Variants in PPP2R2B observed in about 807,000 individuals in gnomAD.
PPP2R2B encodes the protein protein phosphatase 2 regulatory subunit Bbeta, also known as serine/threonine-protein phosphatase 2A 55 kDa regulatory subunit B beta isoform.
In PPP2R2B, 5 loss-of-function variants were observed where a neutral mutation model predicts 46.0. That is an observed-to-expected ratio of 0.11 (90% CI 0.06 to 0.23). The LOEUF (loss-of-function observed/expected upper bound fraction) is 0.23, where lower values mean the gene tolerates loss of function less well. PPP2R2B is among the 10% of genes least tolerant of loss of function. PPP2R2B has a pLI of 1.00. For synonymous variants in PPP2R2B, 215 were observed against 206.7 expected, an observed-to-expected ratio of 1.04 and a Z score of -0.34; for missense variants, 367 against 575.0, an observed-to-expected ratio of 0.64 and a Z score of 3.70.
intron 2 of PPP2R2B, among the ~76,000 whole-genome samples, chr5:146,763,113 T>G (rs564514253): frequency 6.6e-6 from 1 of 152,190 alleles, no homozygotes; most frequent in Admixed American, 6.5e-5. Flanking sequence ...AATAACAACC[T>G]GAACTGAACG....
At chr5:146,953,273 A>C (rs1419198759) in intron 1 of PPP2R2B, among the ~76,000 whole-genome samples, 1 of 152,182 alleles carries the variant, frequency 6.6e-6, no homozygotes, top group Non-Finnish European at 1.5e-5. Context: ...AAATACATAC[A>C]CATATACTTA....
intron 9 of PPP2R2B, among the ~76,000 whole-genome samples, chr5:146,591,519 T>C (rs1770653092): frequency 6.6e-6 from 1 of 152,136 alleles, no homozygotes; most frequent in South Asian, 2.1e-4. Context: ...CAGTGTCACA[T>C]TGCTAATTGG....
chr5:146,649,497 T>G lies in PPP2R2B; in HGVS notation c.625+1050A>C, dbSNP rs190575245. On this transcript the variant is annotated intron_variant, in intron 6 of 9. Coordinates refer to ENST00000394411, the MANE Select transcript of PPP2R2B (RefSeq NM_181675.4). ...TCTGGCTCTGTCACCCAGACTGGAG[T>G]GCAGTGGTACGATCTCGGCTTACTG... Among the ~76,000 whole-genome samples, 51 of 152,008 alleles carry G rather than the reference T, an allele frequency of 3.4e-4. No individual in the cohort carries two copies. In the East Asian group the frequency reaches 5.2e-3, roughly 16 times the overall value.
chr5:146,595,082 C>G (rs2151006631), intron 8 of PPP2R2B, among the ~76,000 whole-genome samples: 1 of 152,304 alleles, frequency 6.6e-6, no homozygotes, highest in East Asian at 1.9e-4. Flanking sequence ...TCTAACTCTG[C>G]AAATTAATTT....
At chr5:146,905,482 G>A (rs1163704782) in intron 1 of PPP2R2B, among the ~76,000 whole-genome samples, 4 of 152,084 alleles carry the variant, frequency 2.6e-5, no homozygotes, top group Non-Finnish European at 5.9e-5. Flanking sequence ...GGCCTCCAGT[G>A]ATCCTCCAGC....
In PPP2R2B at chr5:146,849,361, T is replaced by C. The variant is rs991154214; in HGVS notation, c.70+28641A>G. ...TCTCTAACTTTAATTCATTACCACA[T>C]GTAGCATTCTAACATCCTCCTCTTG... On this transcript the variant is annotated intron_variant, in intron 2 of 9. Coordinates refer to ENST00000394411, the MANE Select transcript of PPP2R2B (RefSeq NM_181675.4). 4.6e-5 allele frequency among the ~76,000 whole-genome samples: 7 copies of C among 152,212 alleles called. No homozygotes were observed. The East Asian group carries it at 5.8e-4, about 13-fold the overall frequency.
intron 2 of PPP2R2B, among the ~76,000 whole-genome samples, chr5:146,710,463 A>G (rs1240264324): frequency 6.6e-6 from 1 of 152,234 alleles, no homozygotes; most frequent in Non-Finnish European, 1.5e-5. Flanking sequence ...TGCAACATAG[A>G]AGCCTAGAAG....
chr5:146,990,906 A>T (rs560707621), intron 1 of PPP2R2B, among the ~76,000 whole-genome samples: 2 of 152,238 alleles, frequency 1.3e-5, no homozygotes, highest in East Asian at 3.9e-4. Context: ...AAAAATAGGC[A>T]AAAAACATGA....
chr5:146,690,115 C>T (rs1778748373), intron 5 of PPP2R2B, among the ~76,000 whole-genome samples: 1 of 152,182 alleles, frequency 6.6e-6, no homozygotes, highest in Admixed American at 6.5e-5. Flanking sequence ...TCACTGTCTC[C>T]CTTCTTACTT....
intron 2 of PPP2R2B, among the ~76,000 whole-genome samples, chr5:146,728,539 G>A (rs552812921): frequency 4.6e-5 from 7 of 152,180 alleles, no homozygotes; most frequent in East Asian, 3.9e-4. Flanking sequence ...TCCTGTCTTC[G>A]TGTGGAGCAA....
Position 146,878,298 on chromosome 5 carries a change from G to C in PPP2R2B, c.-124-103C>G. On this transcript the variant is annotated intron_variant, in intron 1 of 9. Coordinates refer to ENST00000394411, the MANE Select transcript of PPP2R2B (RefSeq NM_181675.4). This position sits in a 1 kb window ranked among gnomAD's most constrained non-coding sequence, Gnocchi z 4.5. ...CTGCGAGGCTGCGGCGGCTCCTCCC[G>C]CGCGGTGCGCTCACTCCAGCTCCAG... 6.9e-7 allele frequency: 1 copy of C among 1,455,344 alleles called. No individual in the cohort carries two copies. The highest frequency in any genetic ancestry group is 9.0e-7 in the Non-Finnish European group (1 of 1,109,742). The allele number at this position is 1,455,344 out of a possible 1,614,324, so 90.2% of individuals were successfully genotyped here.
At chr5:146,774,211 G>A (rs116747859) in intron 2 of PPP2R2B, among the ~76,000 whole-genome samples, 73 of 152,232 alleles carry the variant, frequency 4.8e-4, no homozygotes, top group Non-Finnish European at 1.0e-3. Context: ...CTAACTCATG[G>A]GGTTAAGAGT....
intron 2 of PPP2R2B, among the ~76,000 whole-genome samples, chr5:146,773,861 T>G (rs1468933714): frequency 1.3e-5 from 2 of 152,190 alleles, no homozygotes; most frequent in Non-Finnish European, 2.9e-5. Context: ...AATTAATCTG[T>G]TTTTCTTAGC....
intron 2 of PPP2R2B, among the ~76,000 whole-genome samples, chr5:146,766,136 C>G (rs1266440939): frequency 6.6e-6 from 1 of 152,112 alleles, no homozygotes; most frequent in Non-Finnish European, 1.5e-5. Context: ...GTAATGTGCT[C>G]CTAGCTTAAA....
chr5:146,760,416 T>G (rs10515576), intron 2 of PPP2R2B, among the ~76,000 whole-genome samples: 10,351 of 152,182 alleles, frequency 0.068, 863 homozygotes, highest in East Asian at 0.45. Context: ...ATTTATTAAG[T>G]GTCTTTGTGG....
upstream of PPP2R2B, among the ~76,000 whole-genome samples, chr5:146,883,276 G>A (rs1218288795): frequency 6.6e-6 from 1 of 152,166 alleles, no homozygotes. Context: ...CAGAGGTAAG[G>A]AAAGTGCTTA....
At chr5:146,769,390 C>T (rs559866395) in intron 2 of PPP2R2B, among the ~76,000 whole-genome samples, 1 of 152,296 alleles carries the variant, frequency 6.6e-6, no homozygotes, top group Admixed American at 6.5e-5. Flanking sequence ...GATTCTGATA[C>T]AGGCTAAAGT....
At chr5:147,009,557 T>C (rs1418297813) in intron 1 of PPP2R2B, among the ~76,000 whole-genome samples, 2 of 152,118 alleles carry the variant, frequency 1.3e-5, no homozygotes, top group African/African-American at 4.8e-5. Context: ...AAAGATTAAG[T>C]TTGCTGGCAG....
rs147263032 is a variant in PPP2R2B, at chr5:146,771,146, C to T, written c.71-70004G>A. Among the ~76,000 whole-genome samples, 862 of 152,214 alleles carry T rather than the reference C, an allele frequency of 5.7e-3. 6 individuals are homozygous for T. Among genetic ancestry groups the T allele is most frequent in the Non-Finnish European group, 8.3e-3 (563 of 68,016 alleles). On this transcript the variant is annotated intron_variant, in intron 2 of 9. Transcript: ENST00000394411. ...GGAGGATATATCTTTATATCTTAGA[C>T]CCAAAGCTCCCAGTGCCAGAATTCT...
Sources: gnomAD v4.1 joint callset for allele counts (sites outside exome capture counted in the v4.1 genomes callset) on GRCh38, gnomAD v4.1.1 for gene constraint, Gnocchi (gnomAD v3.1) non-coding constraint, MANE v1.5 for transcripts, NCBI Gene and HGNC (gene_info 2026-07-23, HGNC 2026-07-21) for gene names.